CTNNA2: variants seen among roughly 807,000 people sequenced by gnomAD.
The protein encoded by CTNNA2 is catenin alpha-2.
Under a neutral mutation model 101.0 loss-of-function variants are expected in CTNNA2, and 42 were observed. The observed-to-expected ratio is 0.42, with a 90% CI of 0.32 to 0.54. The LOEUF (loss-of-function observed/expected upper bound fraction) is 0.54. Ranked by LOEUF, CTNNA2 falls within the 20% of genes least tolerant of loss-of-function variation. The pLI is 0.14. For synonymous variants in CTNNA2, 450 were observed against 456.4 expected (o/e 0.99, Z 0.18); for missense variants, 871 against 1,223.1 (o/e 0.71, Z 4.29).
intron 9 of CTNNA2, among the ~76,000 whole-genome samples, chr2:80,425,443 A>G (rs1394980019): frequency 1.3e-5 from 2 of 152,230 alleles, no homozygotes; most frequent in African/African-American, 4.8e-5. Context: ...CTGAACTGAA[A>G]TAACAAGCTT....
chr2:79,451,330 A>G (rs952852274), intron 4 of CTNNA2, among the ~76,000 whole-genome samples: 3 of 152,146 alleles, frequency 2.0e-5, no homozygotes, highest in Non-Finnish European at 4.4e-5. Context: ...GAGAAATTAC[A>G]TTATAACAAA....
intron 8 of CTNNA2, among the ~76,000 whole-genome samples, chr2:80,417,825 G>T (rs894551726): frequency 6.6e-6 from 1 of 152,010 alleles, no homozygotes; most frequent in Non-Finnish European, 1.5e-5. Context: ...TATAACTTTG[G>T]ATGAGATTTG....
At chr2:79,419,186 C>T (rs1419291222) in intron 4 of CTNNA2, among the ~76,000 whole-genome samples, 1 of 152,040 alleles carries the variant, frequency 6.6e-6, no homozygotes, top group African/African-American at 2.4e-5. Context: ...GCTTTGTGAC[C>T]TTAGGCAATT....
At position 80,042,244 on chromosome 2, in the gene CTNNA2, C is replaced by T. The variant is rs527693193; in HGVS notation, c.1056+132447C>T. 1.2e-4 allele frequency among the ~76,000 whole-genome samples: 18 copies of T among 152,266 alleles called. No individual in the cohort carries two copies. In the South Asian group the frequency reaches 3.3e-3, roughly 28 times the overall value. Reference sequence around the variant, plus strand: ...CCTCCCAAAGTGCTGGGATTACAGGCGTGAGCCACTGCGTTTGACCTAGTT... The same window carrying T: ...CCTCCCAAAGTGCTGGGATTACAGGTGTGAGCCACTGCGTTTGACCTAGTT... On this transcript the variant is annotated intron_variant, in intron 7 of 18. Coordinates refer to ENST00000402739, the MANE Select transcript of CTNNA2 (RefSeq NM_001282597.3).
intron 7 of CTNNA2, among the ~76,000 whole-genome samples, chr2:80,242,387 C>A: frequency 6.6e-6 from 1 of 152,158 alleles, no homozygotes; most frequent in Non-Finnish European, 1.5e-5. Flanking sequence ...CTATGACAAC[C>A]CACACAGCAC....
At chr2:79,747,681 A>G (rs1039038095) in intron 3 of CTNNA2, among the ~76,000 whole-genome samples, 6 of 152,228 alleles carry the variant, frequency 3.9e-5, no homozygotes, top group Non-Finnish European at 5.9e-5. Context: ...ATAATACAAT[A>G]AACAACACAG....
At chr2:80,424,710 G>A (rs1680842342) in intron 9 of CTNNA2, among the ~76,000 whole-genome samples, 1 of 152,202 alleles carries the variant, frequency 6.6e-6, no homozygotes, top group Admixed American at 6.5e-5. Context: ...AGGATCAGAT[G>A]TGTCACCTTA....
chr2:79,828,214 T>A (rs1427367602), intron 3 of CTNNA2, among the ~76,000 whole-genome samples: 1 of 152,182 alleles, frequency 6.6e-6, no homozygotes, highest in East Asian at 1.9e-4. Flanking sequence ...AACCTGAAGG[T>A]CCTTTATTTT....
At chr2:79,222,538 G>T (rs2104223590) in intron 2 of CTNNA2, among the ~76,000 whole-genome samples, 1 of 152,244 alleles carries the variant, frequency 6.6e-6, no homozygotes, top group East Asian at 1.9e-4. Flanking sequence ...AGCACAGGTG[G>T]GGGACCTGAG....
At chr2:79,610,443 A>G (rs916457658) in intron 1 of CTNNA2, among the ~76,000 whole-genome samples, 1 of 152,144 alleles carries the variant, frequency 6.6e-6, no homozygotes, top group Non-Finnish European at 1.5e-5. Context: ...CTTTATTTAT[A>G]ATAGCCAATA....
intron 7 of CTNNA2, among the ~76,000 whole-genome samples, chr2:80,218,203 T>C (rs1442588490): frequency 6.6e-6 from 1 of 152,240 alleles, no homozygotes; most frequent in Non-Finnish European, 1.5e-5. Flanking sequence ...AGTCTGGCTC[T>C]ACCCAGAGAG....
At chr2:79,364,241 G>A (rs932786228) in intron 3 of CTNNA2, among the ~76,000 whole-genome samples, 6 of 152,162 alleles carry the variant, frequency 3.9e-5, no homozygotes, top group African/African-American at 1.2e-4. Context: ...ACCAAGACAA[G>A]TATTTGTGAA....
chr2:79,773,403 CATCA>C (rs1405973239), intron 3 of CTNNA2, among the ~76,000 whole-genome samples: 1 of 152,170 alleles, frequency 6.6e-6, no homozygotes, highest in Non-Finnish European at 1.5e-5. Flanking sequence ...AGACCTGAGA[CATCA>C]ATCAATATAT....
rs1553458522 is a variant in CTNNA2 at position 80,146,934 on chromosome 2, A to ATTTT, written c.1056+237138_1056+237141dup. On this transcript the variant is annotated intron_variant, in intron 7 of 18. Coordinates refer to ENST00000402739, the MANE Select transcript of CTNNA2 (RefSeq NM_001282597.3). Reference sequence around the variant, plus strand: ...CGCCCTGCTAATTTTTGTATTTTGTATTTTATTTATTTATTTATTTATTTA... The same window carrying ATTTT: ...CGCCCTGCTAATTTTTGTATTTTGTATTTTTTTTATTTATTTATTTATTTATTTA... Among the ~76,000 whole-genome samples the ATTTT allele has an allele frequency of 3.4e-3, 317 of 92,368 alleles. 2 individuals carry two copies. Among genetic ancestry groups the ATTTT allele is most frequent in the Middle Eastern group, 0.011 (2 of 176 alleles). The allele number at this position is 92,368 out of a possible 152,430, so 60.6% of individuals were successfully genotyped here. A position where few individuals can be genotyped will look rare whatever the true frequency, so the allele number is the denominator to read the frequency against.
Position 79,559,838 on chromosome 2 carries a change from C to T in CTNNA2, c.-6+46631C>T, listed in dbSNP as rs149368332. On this transcript the variant is annotated intron_variant, in intron 1 of 18. Coordinates refer to ENST00000402739, the MANE Select transcript of CTNNA2 (RefSeq NM_001282597.3). Reference sequence around the variant, plus strand: ...GATGATAAAATAATACTAACTATAACGAAAAAACTACCATTTATGTGCCAG... The same window carrying T: ...GATGATAAAATAATACTAACTATAATGAAAAAACTACCATTTATGTGCCAG... 6.9e-4 allele frequency among the ~76,000 whole-genome samples: 104 copies of T among 151,610 alleles called. 1 individual carries two copies. Among genetic ancestry groups the T allele is most frequent in the African/African-American group, 2.0e-3 (84 of 41,394 alleles).
chr2:79,592,608 C>T lies in CTNNA2; in HGVS notation c.-5-58944C>T, dbSNP rs1417016721. ...TAATAACACAACATCACACACATAC[C>T]CCACACAAACTCTTGCCTTTGTGAG... On this transcript the variant is annotated intron_variant, in intron 1 of 18. Transcript: ENST00000402739. Among the ~76,000 whole-genome samples the T allele has an allele frequency of 2.6e-5, 4 of 152,066 alleles. No individual in the cohort carries two copies. In the East Asian group the frequency reaches 7.7e-4, roughly 29 times the overall value.
chr2:80,011,513 A>G (rs1019164628), intron 7 of CTNNA2, among the ~76,000 whole-genome samples: 2 of 152,172 alleles, frequency 1.3e-5, no homozygotes, highest in African/African-American at 2.4e-5. Flanking sequence ...TAGAGTAGAA[A>G]GAGATCTAAC....
chr2:79,320,518 A>G (rs1182847497), intron 3 of CTNNA2, among the ~76,000 whole-genome samples: 3 of 152,152 alleles, frequency 2.0e-5, no homozygotes, highest in East Asian at 3.9e-4. Flanking sequence ...CTAGTTTGCC[A>G]TAACGTAAAG....
intron 7 of CTNNA2, among the ~76,000 whole-genome samples, chr2:80,243,800 A>G (rs1371502889): frequency 6.6e-6 from 1 of 152,238 alleles, no homozygotes; most frequent in East Asian, 1.9e-4. Flanking sequence ...ACTCTTGGGT[A>G]GGTACCTAGA....
Sources: allele counts gnomAD v4.1 joint callset (sites outside exome capture counted in the v4.1 genomes callset), GRCh38; gene constraint gnomAD v4.1.1; transcripts MANE v1.5; gene names NCBI Gene and HGNC (gene_info 2026-07-23, HGNC 2026-07-21).